CSMD3: variants seen among roughly 807,000 people sequenced by gnomAD.
CSMD3 encodes the protein CUB and Sushi multiple domains 3.
CSMD3 carries 177 observed loss-of-function variants against 435.2 expected under a neutral mutation model. The ratio of observed to expected loss-of-function variants is 0.41; its 90% CI spans 0.36 to 0.46. The LOEUF is 0.46. Among genes scored for constraint, CSMD3 ranks in the 20% least tolerant of loss-of-function variants. The pLI, the probability that CSMD3 is intolerant of heterozygous loss-of-function variation, is 0.34. For synonymous variants in CSMD3, 1,656 were observed against 1,520.5 expected, an observed-to-expected ratio of 1.09 and a Z score of -2.07; for missense variants, 4,265 against 4,504.6, an observed-to-expected ratio of 0.95 and a Z score of 1.52.
intron 20 of CSMD3, among the ~76,000 whole-genome samples, 200 bp downstream of exon 20, chr8:112,644,909 A>G (rs1035684543): frequency 2.0e-5 from 3 of 152,152 alleles, no homozygotes; most frequent in African/African-American, 7.2e-5. Context: ...CAGCCTGGTA[A>G]AAACATGAGC....
intron 38 of CSMD3, among the ~76,000 whole-genome samples, chr8:112,358,467 C>T (rs1410933989): frequency 6.6e-6 from 1 of 152,004 alleles, no homozygotes; most frequent in Non-Finnish European, 1.5e-5. Flanking sequence ...TGGCTGTGTC[C>T]CCACCCACAT....
At chr8:112,794,973 T>C (rs1444869380) in intron 13 of CSMD3, among the ~76,000 whole-genome samples, 1 of 152,072 alleles carries the variant, frequency 6.6e-6, no homozygotes, top group African/African-American at 2.4e-5. Flanking sequence ...CTGAAGAGAT[T>C]TATAGTCAAA....
chr8:113,400,931 T>C (rs891116384), intron 1 of CSMD3, among the ~76,000 whole-genome samples: 7 of 151,864 alleles, frequency 4.6e-5, no homozygotes, highest in African/African-American at 1.7e-4. Flanking sequence ...TCCTACATGT[T>C]CTGTCAGTTA....
Position 112,800,012 on chromosome 8 carries a change from TG to T in CSMD3, c.1972+149del. The T allele has an allele frequency of 7.6e-6, 5 of 653,776 alleles. No individual in the cohort carries two copies. The South Asian group carries it at 8.7e-5, about 11-fold the overall frequency. The allele number at this position is 653,776 out of a possible 1,614,324, so 40.5% of individuals were successfully genotyped here. On this transcript the variant is annotated intron_variant, in intron 13 of 70. Coordinates refer to ENST00000297405, the MANE Select transcript of CSMD3 (RefSeq NM_198123.2). ...TTTAAAGATAAGTGTAATTAACATT[TG>T]TAGTTAAATTAAGGAGGAAATGATC...
intron 1 of CSMD3, among the ~76,000 whole-genome samples, chr8:113,319,941 T>C (rs1398471515): frequency 1.3e-5 from 2 of 152,186 alleles, no homozygotes; most frequent in African/African-American, 2.4e-5. Context: ...GATGATTGTT[T>C]TCCTATATTC....
At chr8:113,156,495 TA>T (rs1221124858) in intron 4 of CSMD3, among the ~76,000 whole-genome samples, 9 of 151,096 alleles carry the variant, frequency 6.0e-5, no homozygotes, top group African/African-American at 1.7e-4. Flanking sequence ...CCTAGCATAC[TA>T]AAAAAAAATT....
At chr8:113,335,440 T>C (rs1263991930) in intron 1 of CSMD3, among the ~76,000 whole-genome samples, 1 of 151,840 alleles carries the variant, frequency 6.6e-6, no homozygotes, top group East Asian at 1.9e-4. Flanking sequence ...ATAATATTTC[T>C]CTATTATTTT....
At chr8:113,338,935 CTT>C (rs1171530894) in intron 1 of CSMD3, among the ~76,000 whole-genome samples, 4 of 151,962 alleles carry the variant, frequency 2.6e-5, no homozygotes, top group African/African-American at 7.2e-5. Flanking sequence ...CTTGTCCACA[CTT>C]GTCTGTTTAA....
At chr8:112,549,026 A>G (rs1827440691) in intron 27 of CSMD3, among the ~76,000 whole-genome samples, 1 of 152,124 alleles carries the variant, frequency 6.6e-6, no homozygotes, top group South Asian at 2.1e-4. Flanking sequence ...GTGTGTTTCC[A>G]CTTAACCAGA....
At chr8:113,334,297 A>ATTTTTTTTTTTTTTTTTTTTTTTTTT (rs2094052880) in intron 1 of CSMD3, among the ~76,000 whole-genome samples, 1 of 126,280 alleles carries the variant, frequency 7.9e-6, no homozygotes. Context: ...TTTTTTTTTC[A>ATTTTTTTTTTTTTTTTTTTTTTTTTT]TTTCCAGCCT....
intron 5 of CSMD3, among the ~76,000 whole-genome samples, chr8:113,064,996 G>T (rs2088790914): frequency 6.6e-6 from 1 of 152,122 alleles, no homozygotes; most frequent in Non-Finnish European, 1.5e-5. Flanking sequence ...TAATAAGTAT[G>T]CATGGAACAA....
At chr8:112,833,031 G>C (rs754092426) in intron 11 of CSMD3, among the ~76,000 whole-genome samples, 22 of 152,016 alleles carry the variant, frequency 1.4e-4, no homozygotes, top group African/African-American at 4.3e-4. Flanking sequence ...GTATGTACCC[G>C]AACTACCACA....
At chr8:113,313,920 A>C (rs1051759269) in intron 2 of CSMD3, 1 of 152,154 alleles carries the variant, frequency 6.6e-6, no homozygotes, top group African/African-American at 2.4e-5. Context: ...AAATACTTCT[A>C]ATTTTACATA....
At chr8:112,397,009 C>A (rs1830911032) in intron 35 of CSMD3, among the ~76,000 whole-genome samples, 1 of 152,068 alleles carries the variant, frequency 6.6e-6, no homozygotes, top group East Asian at 1.9e-4. Flanking sequence ...TGAAAAGGAG[C>A]ACAAATTAAA....
intron 1 of CSMD3, among the ~76,000 whole-genome samples, chr8:113,411,522 A>T (rs1042141630): frequency 2.6e-5 from 4 of 152,190 alleles, no homozygotes; most frequent in Non-Finnish European, 5.9e-5. Context: ...CTGGGTTATG[A>T]TGACATTCTT....
chr8:113,026,821 C>T (rs541375972), intron 5 of CSMD3, among the ~76,000 whole-genome samples: 39 of 152,222 alleles, frequency 2.6e-4, no homozygotes, highest in Non-Finnish European at 5.1e-4. Flanking sequence ...ACTCCCCTGG[C>T]TAAAATTTAT....
chr8:113,267,849 G>T (rs531248288), intron 3 of CSMD3, among the ~76,000 whole-genome samples: 1 of 151,434 alleles, frequency 6.6e-6, no homozygotes, highest in Non-Finnish European at 1.5e-5. Context: ...TATACAAAAA[G>T]ACTATAATTT....
At chr8:112,975,402 A>G (rs1316557170) in intron 7 of CSMD3, among the ~76,000 whole-genome samples, 1 of 152,118 alleles carries the variant, frequency 6.6e-6, no homozygotes, top group Non-Finnish European at 1.5e-5. Flanking sequence ...CATTTGCATA[A>G]CATAAAAATA....
intron 5 of CSMD3, among the ~76,000 whole-genome samples, chr8:113,078,013 C>A (rs896564984): frequency 1.3e-5 from 2 of 152,090 alleles, no homozygotes; most frequent in Non-Finnish European, 2.9e-5. Context: ...AATAATAACT[C>A]AATGAGTTAA....
Sources: allele counts gnomAD v4.1 joint callset (sites outside exome capture counted in the v4.1 genomes callset), GRCh38; gene constraint gnomAD v4.1.1; transcripts MANE v1.5; gene names NCBI Gene and HGNC (gene_info 2026-07-23, HGNC 2026-07-21).